The following DLC1 variants were observed in gnomAD, a reference collection of about 807,000 sequenced individuals.
DLC1 encodes the protein DLC1 Rho GTPase activating protein.
DLC1 carries 54 observed loss-of-function variants against 140.3 expected under a neutral mutation model. The observed-to-expected ratio is 0.38, with a 90% confidence interval of 0.31 to 0.48. The LOEUF (loss-of-function observed/expected upper bound fraction) is 0.48. DLC1 is among the 20% of genes least tolerant of loss of function. DLC1 has a pLI of 0.96. For missense variants in DLC1, 2,536 were observed against 1,907.0 expected (o/e 1.33, Z -6.14); for synonymous variants, 986 against 728.1 (o/e 1.35, Z -5.70).
At position 13,315,576 on chromosome 8, in the gene DLC1, T is replaced by C. The variant is rs567595184; in HGVS notation, c.1315-10274A>G. ...GTTGGGGCCTTTCAATTGCCTGCGT[T>C]TGATAACATGGTAACTATTCTGTGA... On this transcript the variant is annotated intron_variant, in intron 4 of 17. Transcript: ENST00000276297. 8.5e-5 allele frequency among the ~76,000 whole-genome samples: 13 copies of C among 152,338 alleles called. No homozygotes were observed. In the South Asian group the frequency reaches 2.7e-3, roughly 32 times the overall value.
chr8:13,392,302 T>A (rs1324528982), intron 4 of DLC1, among the ~76,000 whole-genome samples: 1 of 152,184 alleles, frequency 6.6e-6, no homozygotes, highest in Non-Finnish European at 1.5e-5. Context: ...CCTCCCCAAG[T>A]CTTTTTCATG....
chr8:13,392,681 A>G (rs966005963), intron 4 of DLC1, among the ~76,000 whole-genome samples: 1 of 152,214 alleles, frequency 6.6e-6, no homozygotes, highest in African/African-American at 2.4e-5. Flanking sequence ...TACTTCCTTC[A>G]TAAGTGTTAC....
At chr8:13,191,363 C>G (rs1265894964) in intron 5 of DLC1, among the ~76,000 whole-genome samples, 1 of 152,120 alleles carries the variant, frequency 6.6e-6, no homozygotes, top group Non-Finnish European at 1.5e-5. Flanking sequence ...AAAAATCAAC[C>G]AGGCGTGGTG....
At chr8:13,134,724 C>G (rs1464776020) in intron 5 of DLC1, among the ~76,000 whole-genome samples, 2 of 151,960 alleles carry the variant, frequency 1.3e-5, no homozygotes, top group African/African-American at 2.4e-5. Context: ...TTTTGGGAAC[C>G]GAGGTGGGAG....
intron 1 of DLC1, among the ~76,000 whole-genome samples, chr8:13,508,593 T>C (rs1052326124): frequency 3.9e-5 from 6 of 152,044 alleles, no homozygotes; most frequent in African/African-American, 1.2e-4. Context: ...AATTTTTTTG[T>C]ATTTTTAGTA....
At chr8:13,150,590 G>A (rs1823733496) in intron 5 of DLC1, among the ~76,000 whole-genome samples, 1 of 152,204 alleles carries the variant, frequency 6.6e-6, no homozygotes, top group South Asian at 2.1e-4. Flanking sequence ...ACAGAAGCAT[G>A]ACATATTAGT....
chr8:13,355,193 A>AG (rs57594153), intron 4 of DLC1, among the ~76,000 whole-genome samples: 126,980 of 151,820 alleles, frequency 0.84, 53,384 homozygotes, highest in East Asian at 0.97. Context: ...AAAACTTATT[A>AG]TCTGTATTAG....
intron 2 of DLC1, among the ~76,000 whole-genome samples, chr8:13,427,967 C>G (rs1563337976): frequency 6.6e-6 from 1 of 152,168 alleles, no homozygotes; most frequent in Non-Finnish European, 1.5e-5. Context: ...GGCCAGAAAT[C>G]CAGTTACGGT....
intron 7 of DLC1, among the ~76,000 whole-genome samples, chr8:13,105,243 C>A (rs1819464467): frequency 6.6e-6 from 1 of 152,122 alleles, no homozygotes; most frequent in East Asian, 1.9e-4. Context: ...GCATTACAGA[C>A]CTAAAGCCCA....
intron 5 of DLC1, among the ~76,000 whole-genome samples, chr8:13,282,566 C>T (rs1159650020): frequency 6.6e-6 from 1 of 152,036 alleles, no homozygotes; most frequent in African/African-American, 2.4e-5. Flanking sequence ...ATTTTAGATA[C>T]AGTTAAAACT....
At position 13,084,824 on chromosome 8, in the gene DLC1, C is replaced by T. The variant is rs943912021; in HGVS notation, c.*987G>A. The T allele has an allele frequency of 1.3e-5, 2 of 152,154 alleles. No individual in the cohort carries two copies. Among genetic ancestry groups the T allele is most frequent in the Non-Finnish European group, 2.9e-5 (2 of 68,024 alleles). 9.4% of individuals were successfully genotyped at this position (152,154 alleles called of 1,614,324 possible). On this transcript the variant is annotated 3_prime_UTR_variant, in exon 18 of 18. Coordinates refer to ENST00000276297, the MANE Select transcript of DLC1 (RefSeq NM_182643.3). ...ACACATAGTTTCCTATATTCCCAAA[C>T]ATAGTGTCTTAAGGCGTTTCTGTTA... is the stretch of plus-strand genomic sequence containing the variant.
intron 4 of DLC1, among the ~76,000 whole-genome samples, chr8:13,355,953 A>G (rs957485588): frequency 4.0e-5 from 6 of 151,510 alleles, no homozygotes; most frequent in Admixed American, 2.0e-4. Context: ...AGCCAGGCAT[A>G]GTGGCGGGCA....
intron 5 of DLC1, among the ~76,000 whole-genome samples, chr8:13,197,915 G>A (rs1048280124): frequency 6.6e-6 from 1 of 152,010 alleles, no homozygotes; most frequent in Non-Finnish European, 1.5e-5. Context: ...GCTTTAGACT[G>A]ATGATACATC....
intron 1 of DLC1, among the ~76,000 whole-genome samples, chr8:13,552,226 GATAT>G (rs140356261): frequency 7.4e-6 from 1 of 135,804 alleles, no homozygotes; most frequent in Non-Finnish European, 1.6e-5. Flanking sequence ...TGTCTAGACA[GATAT>G]ATATATATAT....
At chr8:13,518,244 G>C (rs189877641), upstream of DLC1, among the ~76,000 whole-genome samples, 10 of 152,162 alleles carry the variant, frequency 6.6e-5, no homozygotes, top group East Asian at 1.2e-3. Flanking sequence ...GACTAGCTGG[G>C]ATTACAGATG....
chr8:13,511,420 C>A (rs7006561), intron 1 of DLC1, among the ~76,000 whole-genome samples: 4 of 151,966 alleles, frequency 2.6e-5, no homozygotes, highest in African/African-American at 9.7e-5. Flanking sequence ...TTAACTGGGC[C>A]TCAAGGTCCT....
chr8:13,497,875 T>C (rs1801585668), intron 2 of DLC1, among the ~76,000 whole-genome samples: 1 of 152,230 alleles, frequency 6.6e-6, no homozygotes, highest in Admixed American at 6.5e-5. Flanking sequence ...AGCATATAGC[T>C]TGTGGACACT....
At chr8:13,347,718 TG>T (rs1834418920) in intron 4 of DLC1, among the ~76,000 whole-genome samples, 1 of 152,144 alleles carries the variant, frequency 6.6e-6, no homozygotes, top group South Asian at 2.1e-4. Context: ...CTCTCCTATA[TG>T]GGCACAGAAG....
chr8:13,093,132 T>C (rs774557440), intron 12 of DLC1, among the ~76,000 whole-genome samples: 12 of 129,544 alleles, frequency 9.3e-5, no homozygotes, highest in Non-Finnish European at 1.7e-4. Context: ...AGAACAGTTT[T>C]TTCTTTCCTA....
Sources: gnomAD v4.1 joint callset for allele counts (sites outside exome capture counted in the v4.1 genomes callset) on GRCh38, gnomAD v4.1.1 for gene constraint, MANE v1.5 for transcripts, NCBI Gene and HGNC (gene_info 2026-07-23, HGNC 2026-07-21) for gene names.